The following TRAPPC3L variants were observed in gnomAD, a reference collection of about 807,000 sequenced individuals.
The protein encoded by TRAPPC3L is trafficking protein particle complex subunit 3-like protein.
In TRAPPC3L, 23 loss-of-function variants were observed where a neutral mutation model predicts 23.7. The observed-to-expected ratio is 0.97, with a 90% CI of 0.70 to 1.37. The LOEUF (loss-of-function observed/expected upper bound fraction) is 1.37, where lower values mean the gene tolerates loss of function less well. TRAPPC3L is among the 40% of genes most tolerant of loss of function. The pLI, the probability that TRAPPC3L is intolerant of heterozygous loss-of-function variation, is 0.00. For synonymous variants in TRAPPC3L, 81 were observed against 77.9 expected (o/e 1.04, Z -0.21); for missense variants, 212 against 216.8 (o/e 0.98, Z 0.14).
At chr6:116,540,043 T>C (rs769929831) in intron 3 of TRAPPC3L, among the ~76,000 whole-genome samples, 6 of 152,120 alleles carry the variant, frequency 3.9e-5, no homozygotes, top group Non-Finnish European at 8.8e-5. Context: ...GTAAAGAAAC[T>C]GGTTTGGGGC....
intron 4 of TRAPPC3L, among the ~76,000 whole-genome samples, chr6:116,498,331 G>A (rs945826951): frequency 8.5e-5 from 13 of 152,174 alleles, no homozygotes; most frequent in Middle Eastern, 3.4e-3. Context: ...CATGGCCACC[G>A]ACTACAGGAC....
intron 3 of TRAPPC3L, among the ~76,000 whole-genome samples, chr6:116,506,051 G>A (rs1772001311): frequency 6.6e-6 from 1 of 152,122 alleles, no homozygotes. Context: ...TTCTAACACA[G>A]CAAAAGCAAC....
At chr6:116,511,198 A>G (rs1057296986) in intron 3 of TRAPPC3L, among the ~76,000 whole-genome samples, 2 of 147,520 alleles carry the variant, frequency 1.4e-5, no homozygotes, top group African/African-American at 4.9e-5. Context: ...ATATATATAT[A>G]TATAATTTTC....
intron 3 of TRAPPC3L, chr6:116,511,795 C>T (rs1208608730): frequency 3.1e-6 from 5 of 1,614,076 alleles, no homozygotes; most frequent in Non-Finnish European, 4.2e-6. Context: ...GTGAGCGTCT[C>T]TTTTCTGTTG....
intron 3 of TRAPPC3L, among the ~76,000 whole-genome samples, chr6:116,509,025 T>G (rs1772056873): frequency 6.7e-6 from 1 of 149,802 alleles, no homozygotes; most frequent in South Asian, 2.1e-4. Flanking sequence ...TCAGTAGCCC[T>G]GCTATACACC....
rs912464077 is a variant in TRAPPC3L at position 116,495,094 on chromosome 6, T to A, written c.*1860A>T. On this transcript the variant is annotated 3_prime_UTR_variant, in exon 5 of 5. Coordinates refer to ENST00000368602, the MANE Select transcript of TRAPPC3L (RefSeq NM_001139444.3). Reference sequence around the variant, plus strand: ...CAGAGATTACAGGCTTGTGCCACCATGCCCGACCCAGATCTTATTCATTCT... The same window carrying A: ...CAGAGATTACAGGCTTGTGCCACCAAGCCCGACCCAGATCTTATTCATTCT... 1 of 146,162 alleles carries A rather than the reference T, an allele frequency of 6.8e-6. No homozygotes were observed. Among genetic ancestry groups the A allele is most frequent in the Non-Finnish European group, 1.5e-5 (1 of 66,924 alleles). The allele number at this position is 146,162 out of a possible 1,614,324, so 9.1% of individuals were successfully genotyped here.
chr6:116,535,892 T>C (rs1562350577), intron 3 of TRAPPC3L, among the ~76,000 whole-genome samples: 1 of 152,226 alleles, frequency 6.6e-6, no homozygotes, highest in African/African-American at 2.4e-5. Context: ...TCCATGGTGA[T>C]AGCAGATAAG....
Position 116,543,406 on chromosome 6 carries a change from GA to G in TRAPPC3L, c.43-7del, listed in dbSNP as rs1462345122. ...AGGACAAAGAGATCTTTATTCTGGA[GA>G]AAAAGGGGTAGTTTCTGGTTATAGG... On this transcript the variant is annotated splice_polypyrimidine_tract_variant and splice_region_variant and intron_variant, in intron 1 of 4. Transcript: ENST00000368602. 1.9e-6 allele frequency: 3 copies of G among 1,544,040 alleles called. No individual in the cohort carries two copies. Among genetic ancestry groups the G allele is most frequent in the African/African-American group, 2.8e-5 (2 of 72,554 alleles).
chr6:116,512,724 T>C (rs1772149350), intron 3 of TRAPPC3L, among the ~76,000 whole-genome samples: 1 of 152,230 alleles, frequency 6.6e-6, no homozygotes, highest in Admixed American at 6.5e-5. Context: ...GTGTGGAGAT[T>C]CTCTTGAATG....
chr6:116,543,207 G>C, intron 2 of TRAPPC3L, 96 bp downstream of exon 2: 1 of 844,018 alleles, frequency 1.2e-6, no homozygotes, highest in East Asian at 2.9e-5. Flanking sequence ...AAGAACAGCT[G>C]GTGAAATGAA....
intron 3 of TRAPPC3L, chr6:116,512,189 C>T (rs1772136027): frequency 1.2e-6 from 2 of 1,609,038 alleles, no homozygotes; most frequent in Non-Finnish European, 1.7e-6. Context: ...TAGCATGCTA[C>T]CTACCGTCAA....
At chr6:116,505,964 A>G (rs999891683) in intron 3 of TRAPPC3L, among the ~76,000 whole-genome samples, 1 of 152,234 alleles carries the variant, frequency 6.6e-6, no homozygotes, top group African/African-American at 2.4e-5. Context: ...ATGGGCAAAG[A>G]CTTCATGACT....
intron 3 of TRAPPC3L, among the ~76,000 whole-genome samples, chr6:116,513,890 A>G (rs773087484): frequency 6.6e-6 from 1 of 152,212 alleles, no homozygotes; most frequent in Non-Finnish European, 1.5e-5. Flanking sequence ...TGATGCTACC[A>G]ATCACCAGCT....
At chr6:116,540,963 T>C (rs552506251) in intron 2 of TRAPPC3L, among the ~76,000 whole-genome samples, 1 of 152,252 alleles carries the variant, frequency 6.6e-6, no homozygotes, top group African/African-American at 2.4e-5. Flanking sequence ...AAAATTTTTG[T>C]TGCCAGTGAG....
intron 3 of TRAPPC3L, among the ~76,000 whole-genome samples, chr6:116,532,225 A>G (rs927768304): frequency 2.8e-4 from 43 of 152,326 alleles, no homozygotes; most frequent in African/African-American, 1.0e-3. Context: ...AACAGGGTGT[A>G]GATGTGAAAA....
intron 3 of TRAPPC3L, among the ~76,000 whole-genome samples, chr6:116,535,493 A>G (rs1463189095): frequency 6.6e-6 from 1 of 152,200 alleles, no homozygotes; most frequent in African/African-American, 2.4e-5. Flanking sequence ...ATCTCTAATT[A>G]GCTTCTCCTA....
chr6:116,542,651 G>T (rs983732167), intron 2 of TRAPPC3L, among the ~76,000 whole-genome samples: 5 of 152,044 alleles, frequency 3.3e-5, no homozygotes, highest in African/African-American at 1.2e-4. Flanking sequence ...AAAATCAAAA[G>T]GTGGAATTTG....
chr6:116,523,470 A>T (rs1381961507), intron 3 of TRAPPC3L: 1 of 152,172 alleles, frequency 6.6e-6, no homozygotes, highest in Non-Finnish European at 1.5e-5. Context: ...CTCTCTACTA[A>T]TTCTTTTATT....
At chr6:116,537,713 G>C (rs1039169476) in intron 3 of TRAPPC3L, among the ~76,000 whole-genome samples, 1 of 152,140 alleles carries the variant, frequency 6.6e-6, no homozygotes, top group Non-Finnish European at 1.5e-5. Flanking sequence ...AGGAGCATTC[G>C]CAGGCTACCT....
Sources: allele counts gnomAD v4.1 joint callset (sites outside exome capture counted in the v4.1 genomes callset), GRCh38; gene constraint gnomAD v4.1.1; transcripts MANE v1.5; gene names NCBI Gene and HGNC (gene_info 2026-07-23, HGNC 2026-07-21).